TSPAN1: variants seen among roughly 807,000 people sequenced by gnomAD.
The protein encoded by TSPAN1 is tetraspanin 1, also known as tetraspanin-1.
A neutral mutation model predicts 26.9 loss-of-function variants in TSPAN1; 23 were observed. The observed-to-expected ratio is 0.85, with a 90% CI of 0.62 to 1.21. The LOEUF (loss-of-function observed/expected upper bound fraction) is 1.21. Among genes scored for constraint, TSPAN1 ranks in the 50% most tolerant of loss-of-function variants. The pLI, the probability that TSPAN1 is intolerant of heterozygous loss-of-function variation, is 0.00. For missense variants in TSPAN1, 283 were observed against 298.4 expected (o/e 0.95, Z 0.38); for synonymous variants, 115 against 114.8 (o/e 1.00, Z -0.01).
chr1:46,175,670 C>T (rs1411431983), intron 1 of TSPAN1: 3 of 399,560 alleles, frequency 7.5e-6, no homozygotes, highest in Admixed American at 4.4e-5. Context: ...AGGAAGGAAG[C>T]AGTTCTGGAA....
intron 3 of TSPAN1, 73 bp downstream of exon 3, chr1:46,181,237 G>A: frequency 7.0e-7 from 1 of 1,437,184 alleles, no homozygotes; most frequent in South Asian, 1.2e-5. Flanking sequence ...AGACTAAGCT[G>A]GGGAATGGGA....
chr1:46,187,191 C>A (rs1657453086), downstream of TSPAN1, among the ~76,000 whole-genome samples: 1 of 152,228 alleles, frequency 6.6e-6, no homozygotes, highest in Non-Finnish European at 1.5e-5. Context: ...ATACTTGCCC[C>A]AGTCCCACAG....
the TSPAN1 span, chr1:46,194,933 G>A: frequency 1.2e-6 from 2 of 1,614,144 alleles, no homozygotes; most frequent in Non-Finnish European, 1.7e-6. Flanking sequence ...AGCCTTGGCT[G>A]TGTCCTTGAG....
chr1:46,185,699 T>C lies in TSPAN1; in HGVS notation c.*166T>C, dbSNP rs1313672333. The stretch of plus-strand genomic sequence containing the variant: ...TTGGGGCTAGATAGGGACCACTCCT[T>C]TTAGGCGATGCCTGACTTTCCTTCC... On this transcript the variant is annotated 3_prime_UTR_variant, in exon 9 of 9. Coordinates refer to ENST00000372003, the MANE Select transcript of TSPAN1 (RefSeq NM_005727.4). The C allele has an allele frequency of 5.4e-6, 4 of 742,596 alleles. No individual in the cohort carries two copies. The highest frequency in any genetic ancestry group is 3.4e-4 in the Middle Eastern group (1 of 2,966). 46.0% of individuals were successfully genotyped at this position (742,596 alleles called of 1,614,324 possible). A position where few individuals can be genotyped will look rare whatever the true frequency, so the allele number is the denominator to read the frequency against.
chr1:46,194,013 G>A, the TSPAN1 span: 6 of 1,582,362 alleles, frequency 3.8e-6, no homozygotes, highest in Non-Finnish European at 2.6e-6. Flanking sequence ...GTGAGGGTAG[G>A]TGCAGACTGG....
the TSPAN1 span, among the ~76,000 whole-genome samples, chr1:46,195,259 C>T: frequency 6.6e-6 from 1 of 152,202 alleles, no homozygotes; most frequent in Non-Finnish European, 1.5e-5. Context: ...TGCTCCACCT[C>T]GACTAGCATC....
At position 46,185,246 on chromosome 1, in the gene TSPAN1, T is replaced by C. The variant is rs1341235112; in HGVS notation, c.616T>C (p.Tyr206His). 6.2e-7 allele frequency: 1 copy of C among 1,614,082 alleles called. No homozygotes were observed. The highest frequency in any genetic ancestry group is 8.5e-7 in the Non-Finnish European group (1 of 1,180,050). ...GAAGGGTTGCTTCAATCAGCTTTTG[T>C]ATGACATCCGAACTAATGCAGTCAC... ...KVEGCFNQLL[Y>H]DIRTNAVTVG... Residue 206 changes from tyrosine to histidine, a missense_variant, in exon 8 of 9, where the codon TAT (tyrosine) becomes CAT (histidine). Tyr to His is a moderately conservative substitution (Grantham distance 83). Transcript: ENST00000372003.
chr1:46,176,273 T>C, intron 1 of TSPAN1: 2 of 1,535,758 alleles, frequency 1.3e-6, no homozygotes, highest in Non-Finnish European at 8.7e-7. Context: ...GTGTGGGTGT[T>C]GTTGATACCC....
At chr1:46,178,351 T>C (rs2148136159) in intron 1 of TSPAN1, among the ~76,000 whole-genome samples, 1 of 129,336 alleles carries the variant, frequency 7.7e-6, no homozygotes, top group African/African-American at 2.6e-5. Flanking sequence ...AGTGAGATTC[T>C]GTCAAAAAAA....
chr1:46,191,630 A>G, the TSPAN1 span: 15 of 246,204 alleles, frequency 6.1e-5, no homozygotes, highest in Non-Finnish European at 1.1e-4. Flanking sequence ...GTGAGGTAGT[A>G]GTATTTTATC....
chr1:46,195,633 A>G, the TSPAN1 span: 1 of 699,858 alleles, frequency 1.4e-6, no homozygotes, highest in Non-Finnish European at 2.6e-6. Context: ...CCTGGCATAC[A>G]GCTGTTGCTC....
chr1:46,189,916 A>G (rs370705453), downstream of TSPAN1: 1 of 1,614,054 alleles, frequency 6.2e-7, no homozygotes, highest in Non-Finnish European at 8.5e-7. Flanking sequence ...AAGGCCACGT[A>G]GGTGTGGCCC....
At chr1:46,194,605 G>A in the TSPAN1 span, 1 of 1,614,204 alleles carries the variant, frequency 6.2e-7, no homozygotes, top group Non-Finnish European at 8.5e-7. Flanking sequence ...GGTCCCCCCA[G>A]GAAGAGAGGG....
Position 46,185,002 on chromosome 1 carries a change from T to TC in TSPAN1, c.482dup (p.Pro162ThrfsTer16). 6.2e-7 allele frequency: 1 copy of TC among 1,614,202 alleles called. No homozygotes were observed. The highest frequency in any genetic ancestry group is 8.5e-7 in the Non-Finnish European group (1 of 1,180,046). ...CACCAACTATACGGATTTTGAGGAC[T>TC]CACCCTACTTCAAAGAGAACAGTGC... On this transcript the variant is annotated frameshift_variant, in exon 7 of 9. Transcript: ENST00000372003. LOFTEE classifies it high-confidence loss of function.
Position 46,185,763 on chromosome 1 carries a change from T to G in TSPAN1, c.*230T>G. ...TGGGTGGGGGGCATTCCAGAGCCTC[T>G]AAGGTAGCCAGTTCTGTTGCCCATT... On this transcript the variant is annotated 3_prime_UTR_variant, in exon 9 of 9. Coordinates refer to ENST00000372003, the MANE Select transcript of TSPAN1 (RefSeq NM_005727.4). 1 of 597,796 alleles carries G rather than the reference T, an allele frequency of 1.7e-6. No homozygotes were observed. The highest frequency in any genetic ancestry group is 3.0e-6 in the Non-Finnish European group (1 of 337,020). 37.0% of individuals were successfully genotyped at this position (597,796 alleles called of 1,614,324 possible). A position where few individuals can be genotyped will look rare whatever the true frequency, so the allele number is the denominator to read the frequency against.
At position 46,181,083 on chromosome 1, in the gene TSPAN1, A is replaced by C; in HGVS notation, c.-8-17A>C. On this transcript the variant is annotated splice_polypyrimidine_tract_variant and intron_variant, in intron 2 of 8. Transcript: ENST00000372003. ...CAGGGGAAACAAGGCCCTAACTTGC[A>C]CATGTCTACCTCCCAGGAGCCACCA... is the stretch of plus-strand genomic sequence containing the variant. 6.2e-7 allele frequency: 1 copy of C among 1,613,252 alleles called. No homozygotes were observed. The highest frequency in any genetic ancestry group is 2.2e-5 in the East Asian group (1 of 44,878).
chr1:46,176,521 T>C (rs1054268206), intron 1 of TSPAN1: 1 of 1,530,410 alleles, frequency 6.5e-7, no homozygotes, highest in Non-Finnish European at 8.7e-7. Context: ...TTGGCCAGGG[T>C]AGCTGAGGCC....
intron 1 of TSPAN1, among the ~76,000 whole-genome samples, chr1:46,179,593 T>G (rs2148138054): frequency 6.6e-6 from 1 of 152,156 alleles, no homozygotes; most frequent in South Asian, 2.1e-4. Flanking sequence ...AAGCCAGGAC[T>G]TTTCCCCCGC....
chr1:46,195,105 A>G, the TSPAN1 span: 1 of 771,322 alleles, frequency 1.3e-6, no homozygotes, highest in Non-Finnish European at 2.2e-6. Flanking sequence ...TCTCTTTCAC[A>G]GATAAAATAA....
Sources: gnomAD v4.1 joint callset for allele counts (sites outside exome capture counted in the v4.1 genomes callset) on GRCh38, gnomAD v4.1.1 for gene constraint, MANE v1.5 for transcripts, NCBI Gene and HGNC (gene_info 2026-07-23, HGNC 2026-07-21) for gene names.